The following BBS9 variants were observed in gnomAD, a reference collection of about 807,000 sequenced individuals.
The protein encoded by BBS9 is Bardet-Biedl syndrome 9.
Under a neutral mutation model 117.7 loss-of-function variants are expected in BBS9, and 89 were observed. The observed-to-expected ratio is 0.76, with a 90% confidence interval of 0.64 to 0.90. BBS9 has a LOEUF of 0.90. Among genes scored for constraint, BBS9 ranks in the 40% least tolerant of loss-of-function variants. BBS9 has a pLI of 0.00. For missense variants in BBS9, 982 were observed against 1,042.2 expected, an observed-to-expected ratio of 0.94 and a Z score of 0.80; for synonymous variants, 379 against 370.9, an observed-to-expected ratio of 1.02 and a Z score of -0.25.
chr7:33,540,161 C>T (rs993087330), intron 21 of BBS9, among the ~76,000 whole-genome samples: 11 of 152,114 alleles, frequency 7.2e-5, no homozygotes, highest in Admixed American at 3.3e-4. Flanking sequence ...GCTAATGTGA[C>T]GTTTCAAAGC....
Position 33,233,611 on chromosome 7 carries a change from C to T in BBS9, c.443-23625C>T, listed in dbSNP as rs191036007. On this transcript the variant is annotated intron_variant, in intron 5 of 22. Transcript: ENST00000242067. ...GCTACTGGTATCGTATAACTGGCAT[C>T]CCAAAATAAGAAGACAGTAATCAGC... 5.2e-3 allele frequency among the ~76,000 whole-genome samples: 788 copies of T among 152,082 alleles called. 11 individuals are homozygous for T. The highest frequency in any genetic ancestry group is 0.018 in the African/African-American group (745 of 41,520).
At chr7:33,405,036 T>A (rs1244556394) in intron 19 of BBS9, among the ~76,000 whole-genome samples, 3 of 152,186 alleles carry the variant, frequency 2.0e-5, no homozygotes, top group African/African-American at 7.2e-5. Flanking sequence ...CCGAACTTAT[T>A]GAGAGTTTTT....
chr7:33,524,990 C>G (rs1232765062), intron 20 of BBS9, among the ~76,000 whole-genome samples: 4 of 152,116 alleles, frequency 2.6e-5, no homozygotes, highest in Non-Finnish European at 5.9e-5. Context: ...TTATTTCTGC[C>G]TTCATTTTGT....
chr7:33,363,110 T>C (rs1820937920), intron 16 of BBS9, among the ~76,000 whole-genome samples: 1 of 152,204 alleles, frequency 6.6e-6, no homozygotes, highest in African/African-American at 2.4e-5. Flanking sequence ...CAATTTATTT[T>C]ATTTTCTTTT....
intron 19 of BBS9, among the ~76,000 whole-genome samples, chr7:33,490,257 A>G (rs141125229): frequency 7.7e-4 from 117 of 152,344 alleles, no homozygotes; most frequent in African/African-American, 2.7e-3. Context: ...TGTTTTATAC[A>G]TAACACATTT....
chr7:33,146,704 A>G (rs1473286220), intron 2 of BBS9, among the ~76,000 whole-genome samples: 1 of 149,886 alleles, frequency 6.7e-6, no homozygotes, highest in African/African-American at 2.5e-5. Context: ...ATCTCAAAAA[A>G]AAAAAAAAAA....
At chr7:33,433,729 A>G (rs1834871720) in intron 19 of BBS9, among the ~76,000 whole-genome samples, 1 of 152,276 alleles carries the variant, frequency 6.6e-6, no homozygotes, top group East Asian at 1.9e-4. Flanking sequence ...GTTGGTGCCA[A>G]CTGGAATGAA....
intron 21 of BBS9, among the ~76,000 whole-genome samples, chr7:33,554,696 G>A (rs542205575): frequency 1.1e-4 from 16 of 152,138 alleles, no homozygotes; most frequent in Non-Finnish European, 2.1e-4. Flanking sequence ...CAAGTGCTCC[G>A]GAGCTCAGGG....
chr7:33,503,805 G>C (rs943841360), intron 19 of BBS9, among the ~76,000 whole-genome samples: 6 of 152,156 alleles, frequency 3.9e-5, no homozygotes, highest in East Asian at 1.9e-4. Flanking sequence ...TGGTGGGGGT[G>C]GGGGAGGAAC....
intron 4 of BBS9, among the ~76,000 whole-genome samples, chr7:33,164,985 T>C (rs1026665152): frequency 6.6e-6 from 1 of 152,208 alleles, no homozygotes; most frequent in Non-Finnish European, 1.5e-5. Context: ...CCTTTCCATG[T>C]TTAGTGCTTC....
intron 19 of BBS9, among the ~76,000 whole-genome samples, chr7:33,421,855 G>A (rs1832908680): frequency 1.3e-5 from 2 of 152,082 alleles, no homozygotes; most frequent in Non-Finnish European, 2.9e-5. Flanking sequence ...TTAGCATGGT[G>A]TATTTTACTT....
chr7:33,253,678 T>G (rs574206326), intron 5 of BBS9, among the ~76,000 whole-genome samples: 7 of 152,184 alleles, frequency 4.6e-5, no homozygotes, highest in Non-Finnish European at 8.8e-5. Context: ...AGTCTAGGGC[T>G]GATAGAGAGG....
chr7:33,221,116 C>G (rs1445077029), intron 5 of BBS9, among the ~76,000 whole-genome samples: 1 of 152,226 alleles, frequency 6.6e-6, no homozygotes, highest in Non-Finnish European at 1.5e-5. Flanking sequence ...GTCACTTTCT[C>G]TGTGAAGCTC....
At chr7:33,482,843 TTC>T (rs1213206708) in intron 19 of BBS9, among the ~76,000 whole-genome samples, 1 of 152,214 alleles carries the variant, frequency 6.6e-6, no homozygotes, top group Non-Finnish European at 1.5e-5. Flanking sequence ...TTCTGGGCTA[TTC>T]TGGGATAGAA....
chr7:33,157,414 G>C (rs1365637364), intron 4 of BBS9, among the ~76,000 whole-genome samples: 1 of 151,922 alleles, frequency 6.6e-6, no homozygotes, highest in Non-Finnish European at 1.5e-5. Flanking sequence ...GTATTCTCTG[G>C]GGACTAGGAG....
rs142628165 is a variant in BBS9, at chr7:33,326,533, C to T, written c.1017-9908C>T. On this transcript the variant is annotated intron_variant, in intron 9 of 22. Coordinates refer to ENST00000242067, the MANE Select transcript of BBS9 (RefSeq NM_198428.3). The stretch of plus-strand genomic sequence containing the variant: ...GACAAAGTCCCCTTTACTCTTCTCT[C>T]TCCTTTTCTGAAGCAAAATGAGTCT... 2.8e-3 allele frequency among the ~76,000 whole-genome samples: 419 copies of T among 152,276 alleles called. 2 individuals are homozygous for T. Among genetic ancestry groups the T allele is most frequent in the Non-Finnish European group, 4.5e-3 (305 of 68,016 alleles).
chr7:33,518,564 T>C (rs1005049107), intron 20 of BBS9, among the ~76,000 whole-genome samples: 8 of 152,190 alleles, frequency 5.3e-5, no homozygotes, highest in Admixed American at 3.3e-4. Flanking sequence ...TCTTATATTA[T>C]CACTTGAGTG....
intron 5 of BBS9, among the ~76,000 whole-genome samples, chr7:33,244,083 A>G (rs930463701): frequency 1.3e-5 from 2 of 152,144 alleles, no homozygotes; most frequent in Admixed American, 1.3e-4. Flanking sequence ...TACAAAAATT[A>G]GCCAGAAGTG....
chr7:33,515,093 A>G (rs1308131230), intron 20 of BBS9, among the ~76,000 whole-genome samples: 1 of 152,170 alleles, frequency 6.6e-6, no homozygotes, highest in Non-Finnish European at 1.5e-5. Flanking sequence ...ACTCTAAGTT[A>G]TGGCATTGCT....
Sources: allele counts gnomAD v4.1 joint callset (sites outside exome capture counted in the v4.1 genomes callset), GRCh38; gene constraint gnomAD v4.1.1; transcripts MANE v1.5; gene names NCBI Gene and HGNC (gene_info 2026-07-23, HGNC 2026-07-21).